Variants in ZFYVE28 observed in about 807,000 individuals in gnomAD.
ZFYVE28 encodes the protein lateral signaling target protein 2 homolog.
A neutral mutation model predicts 82.1 loss-of-function variants in ZFYVE28; 40 were observed. The observed-to-expected ratio is 0.49, with a 90% CI of 0.38 to 0.63. The LOEUF is 0.63. Ranked by LOEUF, ZFYVE28 falls within the 30% of genes least tolerant of loss-of-function variation. The pLI, the probability that ZFYVE28 is intolerant of heterozygous loss-of-function variation, is 0.00. For missense variants in ZFYVE28, 1,321 were observed against 1,242.1 expected (o/e 1.06, Z -0.96); for synonymous variants, 612 against 546.1 (o/e 1.12, Z -1.68).
chr4:2,337,272 C>T (rs868244757), intron 5 of ZFYVE28, 135 bp downstream of exon 5: 2 of 686,176 alleles, frequency 2.9e-6, no homozygotes, highest in East Asian at 3.0e-5. Flanking sequence ...TGTGGGAAGA[C>T]ACGTCTGGTG....
intron 1 of ZFYVE28, among the ~76,000 whole-genome samples, chr4:2,382,348 C>T (rs1461461515): frequency 6.6e-6 from 1 of 152,226 alleles, no homozygotes; most frequent in East Asian, 1.9e-4. Context: ...AAGCTGTAGA[C>T]ACTCAATGCC....
In ZFYVE28 at chr4:2,392,308, C is replaced by A. The variant is rs577222526; in HGVS notation, c.39+25977G>T. ...ATGGCACCATCTCCTCTCCCGCAGA[C>A]TCTGAGCTTCTCCCTAAACAAGTAG... On this transcript the variant is annotated intron_variant, in intron 1 of 12. Transcript: ENST00000290974. 3.5e-4 allele frequency among the ~76,000 whole-genome samples: 53 copies of A among 152,336 alleles called. 1 individual carries two copies. The highest frequency in any genetic ancestry group is 1.2e-3 in the African/African-American group (48 of 41,582).
chr4:2,371,774 A>T (rs1032427792), intron 1 of ZFYVE28, among the ~76,000 whole-genome samples: 2 of 152,264 alleles, frequency 1.3e-5, no homozygotes, highest in Non-Finnish European at 2.9e-5. Flanking sequence ...GAAAAGACAC[A>T]GTCTGGCCAC....
At chr4:2,293,658 C>A (rs1278843697) in intron 8 of ZFYVE28, among the ~76,000 whole-genome samples, 1 of 147,804 alleles carries the variant, frequency 6.8e-6, no homozygotes, top group Non-Finnish European at 1.5e-5. Flanking sequence ...GAGGCTGAGG[C>A]AGGAGAATGG....
chr4:2,302,886 C>G (rs751168508), intron 8 of ZFYVE28, among the ~76,000 whole-genome samples: 1 of 152,254 alleles, frequency 6.6e-6, no homozygotes, highest in African/African-American at 2.4e-5. Flanking sequence ...AGATGTTTCT[C>G]GACTTAACCC....
chr4:2,370,726 G>A (rs1302637912), intron 1 of ZFYVE28, among the ~76,000 whole-genome samples: 12 of 152,304 alleles, frequency 7.9e-5, no homozygotes, highest in East Asian at 7.7e-4. Flanking sequence ...CTCCCCGGAC[G>A]TGGCAAGGCC....
rs1245010018 is a variant in ZFYVE28, at chr4:2,305,361, G to A, written c.979C>T (p.Pro327Ser). The change falls in exon 8 of 13, where the codon CCG (proline) becomes TCG (serine). Residue 327 changes from proline to serine, a missense_variant. Around this residue, in one of 2 missense-constraint regions of ZFYVE28, gnomAD observed 978 missense variants for 833.7 expected, o/e 1.17. Coordinates refer to ENST00000290974, the MANE Select transcript of ZFYVE28 (RefSeq NM_020972.3). ...EGPLSAKAKD[P>S]DAELACSMQY... ...ATGGAGCAGGCCAGCTCTGCATCCG[G>A]GTCTTTGGCCTTAGCTGAGAGTGGC... 4.9e-5 allele frequency: 79 copies of A among 1,612,618 alleles called. 1 individual carries two copies. In the East Asian group the frequency reaches 1.6e-3, roughly 33 times the overall value.
chr4:2,402,481 C>T (rs1373319346), intron 1 of ZFYVE28, among the ~76,000 whole-genome samples: 2 of 152,180 alleles, frequency 1.3e-5, no homozygotes, highest in Non-Finnish European at 2.9e-5. Flanking sequence ...CAGGCAACAG[C>T]GGCAAAAACT....
chr4:2,309,250 C>T (rs533173247), intron 7 of ZFYVE28, among the ~76,000 whole-genome samples: 8 of 152,246 alleles, frequency 5.3e-5, no homozygotes, highest in African/African-American at 1.9e-4. Context: ...GCTTCTCTGC[C>T]ACGTTATGAC....
At chr4:2,325,662 C>T (rs946982113) in intron 6 of ZFYVE28, among the ~76,000 whole-genome samples, 3 of 140,658 alleles carry the variant, frequency 2.1e-5, no homozygotes, top group East Asian at 2.1e-4. Context: ...AATTCAATGG[C>T]GTGATCATAG....
intron 1 of ZFYVE28, among the ~76,000 whole-genome samples, chr4:2,369,847 T>TTTATTTATTTTTC (rs1473576935): frequency 1.4e-5 from 2 of 139,140 alleles, no homozygotes; most frequent in African/African-American, 5.3e-5. Context: ...TTTTTTTTCT[T>TTTATTTATTTTTC]TTCTTTTTTT....
At chr4:2,357,754 C>T (rs192207005) in intron 1 of ZFYVE28, among the ~76,000 whole-genome samples, 1 of 152,290 alleles carries the variant, frequency 6.6e-6, no homozygotes, top group African/African-American at 2.4e-5. Flanking sequence ...GAATTTAGGG[C>T]ACTGGATGAC....
At chr4:2,365,071 G>A (rs1323204750) in intron 1 of ZFYVE28, among the ~76,000 whole-genome samples, 1 of 151,930 alleles carries the variant, frequency 6.6e-6, no homozygotes, top group Non-Finnish European at 1.5e-5. Context: ...AGGGCGAGCA[G>A]TGGAGCTGGG....
intron 2 of ZFYVE28, among the ~76,000 whole-genome samples, chr4:2,347,900 AAAAG>A (rs1723821737): frequency 6.6e-6 from 1 of 152,122 alleles, no homozygotes; most frequent in African/African-American, 2.4e-5. Context: ...TAAAAATAAA[AAAAG>A]AAACTAGAGA....
chr4:2,301,674 C>G (rs963628926), intron 8 of ZFYVE28, among the ~76,000 whole-genome samples: 8 of 151,968 alleles, frequency 5.3e-5, no homozygotes, highest in Admixed American at 3.3e-4. Context: ...CCACCACCCC[C>G]AGCAGCAAAA....
intron 8 of ZFYVE28, among the ~76,000 whole-genome samples, chr4:2,292,852 G>A (rs1215906853): frequency 6.6e-6 from 1 of 152,160 alleles, no homozygotes; most frequent in East Asian, 1.9e-4. Context: ...CAAGAAGACG[G>A]CTGCCTGACA....
chr4:2,414,818 C>G (rs1053013423), intron 1 of ZFYVE28, among the ~76,000 whole-genome samples: 3 of 152,176 alleles, frequency 2.0e-5, no homozygotes, highest in African/African-American at 7.2e-5. Context: ...AAGTCATAAC[C>G]AAGCAAGAAA....
At chr4:2,273,917 C>G (rs1736151309) in intron 9 of ZFYVE28, 145 bp downstream of exon 9, 3 of 906,998 alleles carry the variant, frequency 3.3e-6, no homozygotes, top group East Asian at 2.6e-5. Flanking sequence ...TCTCCATGAA[C>G]AGGAGTGCTG....
At chr4:2,314,483 TCTTAC>T (rs1717925377) in intron 7 of ZFYVE28, among the ~76,000 whole-genome samples, 1 of 152,260 alleles carries the variant, frequency 6.6e-6, no homozygotes, top group South Asian at 2.1e-4. Flanking sequence ...CTTTCTCTGC[TCTTAC>T]CTTATTTTGG....
Sources: allele counts gnomAD v4.1 joint callset (sites outside exome capture counted in the v4.1 genomes callset), GRCh38; gene constraint gnomAD v4.1.1; regional missense constraint gnomAD v4.1.1; transcripts MANE v1.5; gene names NCBI Gene and HGNC (gene_info 2026-07-23, HGNC 2026-07-21).